Variants in TRPM2 observed in about 807,000 individuals in gnomAD.
The protein encoded by TRPM2 is transient receptor potential cation channel subfamily M member 2.
In TRPM2, 161 loss-of-function variants were observed where a neutral mutation model predicts 174.0. That is an observed-to-expected ratio of 0.93 (90% CI 0.81 to 1.05). TRPM2 has a LOEUF of 1.05. Ranked by LOEUF, TRPM2 falls within the 50% of genes least tolerant of loss-of-function variation. TRPM2 has a pLI of 0.00. For synonymous variants in TRPM2, 954 were observed against 861.3 expected, an observed-to-expected ratio of 1.11 and a Z score of -1.88; for missense variants, 2,057 against 2,038.0, an observed-to-expected ratio of 1.01 and a Z score of -0.18.
chr21:44,357,648 T>G (rs2048098061), intron 2 of TRPM2, among the ~76,000 whole-genome samples: 1 of 152,146 alleles, frequency 6.6e-6, no homozygotes, highest in Admixed American at 6.5e-5. Flanking sequence ...CGTGGGCCCC[T>G]CTGCATGGCA....
At chr21:44,437,022 C>A in intron 28 of TRPM2, 40 bp from the exon 29 acceptor site, 1 of 1,536,060 alleles carries the variant, frequency 6.5e-7, no homozygotes, top group Non-Finnish European at 8.8e-7. Flanking sequence ...GGGTGGAGGC[C>A]GCAGCGGGTC....
intron 28 of TRPM2, among the ~76,000 whole-genome samples, chr21:44,436,774 G>A (rs1303622178): frequency 6.6e-6 from 1 of 151,924 alleles, no homozygotes; most frequent in African/African-American, 2.4e-5. Context: ...TGCAAAGCTG[G>A]GTCAAAGGGC....
intron 29 of TRPM2, among the ~76,000 whole-genome samples, 166 bp downstream of exon 29, chr21:44,437,333 T>A (rs548777951): frequency 6.6e-6 from 1 of 152,276 alleles, no homozygotes; most frequent in Non-Finnish European, 1.5e-5. Context: ...AAGACACTCC[T>A]CCTCCCTTTT....
Position 44,399,335 on chromosome 21 carries a change from CCCAGAAACTGCTCACCCGCGTGT to C in TRPM2, c.2105_2127del (p.Gln702ArgfsTer141). ...TGCTACCGGAAGGACGAAGAGAGAG[CCCAGAAACTGCTCACCCGCGTGT>C]CCGAGGCCTGGGGGAAGACCACCTG... is the stretch of plus-strand genomic sequence containing the variant. On this transcript the variant is annotated frameshift_variant, in exon 14 of 32. Transcript: ENST00000397928. LOFTEE classifies it high-confidence loss of function. The surrounding 1 kb of genome is among the most constrained non-coding windows in gnomAD (Gnocchi z 4.6). 4 of 1,612,816 alleles carry C rather than the reference CCCAGAAACTGCTCACCCGCGTGT, an allele frequency of 2.5e-6. No individual in the cohort carries two copies. Among genetic ancestry groups the C allele is most frequent in the Non-Finnish European group, 3.4e-6 (4 of 1,179,886 alleles).
upstream of TRPM2, among the ~76,000 whole-genome samples, chr21:44,352,755 C>T (rs147909970): frequency 8.8e-3 from 1,341 of 152,214 alleles, 14 homozygotes; most frequent in Non-Finnish European, 9.5e-3. Context: ...CTTGTGGCCT[C>T]GGTGATGAAG....
At chr21:44,403,992 A>G (rs2049748576) in intron 16 of TRPM2, among the ~76,000 whole-genome samples, 1 of 151,578 alleles carries the variant, frequency 6.6e-6, no homozygotes, top group Admixed American at 6.6e-5. Flanking sequence ...ATGCATACAC[A>G]CATACACATA....
Position 44,432,974 on chromosome 21 carries a change from G to A in TRPM2, c.3975-2157G>A, listed in dbSNP as rs760423384. Among the ~76,000 whole-genome samples, 38 of 152,128 alleles carry A rather than the reference G, an allele frequency of 2.5e-4. No homozygotes were observed. Among genetic ancestry groups the A allele is most frequent in the Non-Finnish European group, 4.6e-4 (31 of 68,022 alleles). ...ATGAGGGGTTGAGAACCATATGGACGAGATCATGACCGGGGGATCAGAGAT... is the reference window on the plus strand; with the variant it reads ...ATGAGGGGTTGAGAACCATATGGACAAGATCATGACCGGGGGATCAGAGAT... On this transcript the variant is annotated intron_variant, in intron 27 of 31. Coordinates refer to ENST00000397928, the MANE Select transcript of TRPM2 (RefSeq NM_003307.4). This position sits in a 1 kb window ranked among gnomAD's most constrained non-coding sequence, Gnocchi z 4.9.
intron 23 of TRPM2, among the ~76,000 whole-genome samples, chr21:44,424,644 C>CG: frequency 6.6e-6 from 1 of 152,258 alleles, no homozygotes; most frequent in South Asian, 2.1e-4. Flanking sequence ...TGGCAGCCCC[C>CG]GGGGGGAGCC....
At chr21:44,359,379 G>A (rs969307996) in intron 2 of TRPM2, among the ~76,000 whole-genome samples, 2 of 152,082 alleles carry the variant, frequency 1.3e-5, no homozygotes, top group Non-Finnish European at 2.9e-5. Context: ...GAAGTGCCTT[G>A]AGCGTGACCT....
At position 44,423,605 on chromosome 21, in the gene TRPM2, A is replaced by G. The variant is rs747151103; in HGVS notation, c.3462-40A>G. 5 of 1,569,568 alleles carry G rather than the reference A, an allele frequency of 3.2e-6. No individual in the cohort carries two copies. The Admixed American group carries it at 7.2e-5, about 23-fold the overall frequency. On this transcript the variant is annotated intron_variant, in intron 22 of 31. Transcript: ENST00000397928. ...GCGGTGTGGCGTTCCCAGGGCCCCA[A>G]GGTGTGGTGTGCGTCCAGCTCAGCT...
intron 2 of TRPM2, among the ~76,000 whole-genome samples, chr21:44,356,530 T>G (rs891220673): frequency 7.3e-6 from 1 of 137,180 alleles, no homozygotes; most frequent in Non-Finnish European, 1.5e-5. Context: ...GCTGCTTGGC[T>G]ATTTTTTTTT....
chr21:44,425,660 C>T lies in TRPM2; in HGVS notation c.3638-10C>T. The T allele has an allele frequency of 6.7e-7, 1 of 1,496,214 alleles. No individual in the cohort carries two copies. Among genetic ancestry groups the T allele is most frequent in the Non-Finnish European group, 9.0e-7 (1 of 1,112,170 alleles). 92.7% of individuals were successfully genotyped at this position (1,496,214 alleles called of 1,614,324 possible). On this transcript the variant is annotated splice_polypyrimidine_tract_variant and intron_variant, in intron 24 of 31. Transcript: ENST00000397928. Reference sequence around the variant, plus strand: ...TCCGCCTTGCGTCACGTCTTCCTGACTGTCCCCAGCCTCCCAGAAGGCCGC... The same window carrying T: ...TCCGCCTTGCGTCACGTCTTCCTGATTGTCCCCAGCCTCCCAGAAGGCCGC...
At chr21:44,389,648 T>G (rs1372703397) in intron 9 of TRPM2, among the ~76,000 whole-genome samples, 1 of 152,196 alleles carries the variant, frequency 6.6e-6, no homozygotes, top group Non-Finnish European at 1.5e-5. Flanking sequence ...ACTACTGATG[T>G]GGAGCATCAT....
upstream of TRPM2, among the ~76,000 whole-genome samples, chr21:44,351,200 T>A (rs2047921425): frequency 6.6e-6 from 1 of 152,172 alleles, no homozygotes; most frequent in African/African-American, 2.4e-5. Context: ...AGTCGCCTGG[T>A]CCTGGGCTCG....
At chr21:44,431,257 T>C (rs1012983506) in intron 27 of TRPM2, among the ~76,000 whole-genome samples, 8 of 152,080 alleles carry the variant, frequency 5.3e-5, no homozygotes, top group African/African-American at 1.7e-4. Context: ...TTTTTTACTT[T>C]ATGAATTTCA....
chr21:44,385,317 A>G (rs2048988387), intron 9 of TRPM2, among the ~76,000 whole-genome samples: 1 of 152,254 alleles, frequency 6.6e-6, no homozygotes, highest in Non-Finnish European at 1.5e-5. Flanking sequence ...TATCATGTTC[A>G]ATGGTGAAAG....
At chr21:44,364,879 A>G (rs904100650) in intron 3 of TRPM2, among the ~76,000 whole-genome samples, 5 of 152,140 alleles carry the variant, frequency 3.3e-5, no homozygotes, top group Non-Finnish European at 7.4e-5. Flanking sequence ...CTCGTGCACA[A>G]CCTCACTGAG....
intron 22 of TRPM2, chr21:44,422,372 A>G: frequency 1.3e-6 from 2 of 1,536,180 alleles, no homozygotes; most frequent in Non-Finnish European, 1.7e-6. Flanking sequence ...AGAAGGCTCC[A>G]GTAACCACCC....
At chr21:44,381,959 T>A in intron 8 of TRPM2, among the ~76,000 whole-genome samples, 1 of 43,448 alleles carries the variant, frequency 2.3e-5, no homozygotes, top group South Asian at 5.6e-4. Context: ...GATGGATAGA[T>A]AGATAGATAG....
Sources: gnomAD v4.1 joint callset for allele counts (sites outside exome capture counted in the v4.1 genomes callset) on GRCh38, gnomAD v4.1.1 for gene constraint, Gnocchi (gnomAD v3.1) non-coding constraint, MANE v1.5 for transcripts, NCBI Gene and HGNC (gene_info 2026-07-23, HGNC 2026-07-21) for gene names.